The following MCF2L2 variants were observed in gnomAD, a reference collection of about 807,000 sequenced individuals.
MCF2L2 encodes the protein probable guanine nucleotide exchange factor MCF2L2.
MCF2L2 carries 102 observed loss-of-function variants against 150.2 expected under a neutral mutation model. The ratio of observed to expected loss-of-function variants is 0.68; its 90% confidence interval spans 0.58 to 0.80. MCF2L2 has a LOEUF of 0.80. MCF2L2 is among the 30% of genes least tolerant of loss of function. MCF2L2 has a pLI of 0.00. For synonymous variants in MCF2L2, 465 were observed against 491.3 expected, an observed-to-expected ratio of 0.95 and a Z score of 0.71; for missense variants, 1,256 against 1,372.8, an observed-to-expected ratio of 0.91 and a Z score of 1.34.
At chr3:183,322,204 C>T (rs1729840137) in intron 6 of MCF2L2, among the ~76,000 whole-genome samples, 1 of 152,240 alleles carries the variant, frequency 6.6e-6, no homozygotes, top group African/African-American at 2.4e-5. Context: ...AAACTCCTAA[C>T]TTAGCATAAC....
At chr3:183,239,892 G>A (rs1576949894) in intron 15 of MCF2L2, among the ~76,000 whole-genome samples, 1 of 152,080 alleles carries the variant, frequency 6.6e-6, no homozygotes, top group African/African-American at 2.4e-5. Context: ...TCACCTGGAT[G>A]CCTCCCAGAC....
intron 14 of MCF2L2, among the ~76,000 whole-genome samples, chr3:183,286,008 A>G (rs528792674): frequency 6.6e-6 from 1 of 152,118 alleles, no homozygotes; most frequent in Non-Finnish European, 1.5e-5. Flanking sequence ...CGCTTCCACC[A>G]CCGGGCTTTC....
intron 27 of MCF2L2, among the ~76,000 whole-genome samples, chr3:183,180,921 G>A (rs1191648346): frequency 6.6e-6 from 1 of 152,222 alleles, no homozygotes; most frequent in Non-Finnish European, 1.5e-5. Flanking sequence ...CTTTACCCTC[G>A]CTCTGAGTGA....
At position 183,179,392 on chromosome 3, in the gene MCF2L2, G is replaced by A; in HGVS notation, c.3333C>T (p.Ala1111=). ...GTCCGCAGGGAGGTCAGCTCTCCTG[G>A]GCGGAGGTCCTCGGGCGCAGCGCCC... The part of the protein sequence containing the change: ...QARALRPRTS[A]QES The change falls in exon 30 of 30, where the codon GCC becomes GCT. Residue 1111 remains alanine, a synonymous_variant. Transcript: ENST00000328913. This position sits in a 1 kb window ranked among gnomAD's most constrained non-coding sequence, Gnocchi z 4.2. 6.5e-7 allele frequency: 1 copy of A among 1,548,260 alleles called. No individual in the cohort carries two copies.
intron 16 of MCF2L2, among the ~76,000 whole-genome samples, chr3:183,230,344 C>T (rs1258468246): frequency 6.6e-6 from 1 of 152,158 alleles, no homozygotes; most frequent in East Asian, 1.9e-4. Context: ...AAACTTCTGA[C>T]CTCAGGCGAT....
chr3:183,355,390 G>C (rs1026519962), intron 3 of MCF2L2, among the ~76,000 whole-genome samples: 6 of 151,734 alleles, frequency 4.0e-5, no homozygotes, highest in South Asian at 4.1e-4. Flanking sequence ...TTCAGTAGAG[G>C]GGGGCAGAAA....
chr3:183,422,117 G>A (rs908603050), intron 1 of MCF2L2, among the ~76,000 whole-genome samples: 1 of 152,124 alleles, frequency 6.6e-6, no homozygotes, highest in Admixed American at 6.5e-5. Flanking sequence ...TAGTTTTTGA[G>A]GCCAATCTTT....
At chr3:183,287,836 C>T (rs927067965) in intron 14 of MCF2L2, 2 of 152,136 alleles carry the variant, frequency 1.3e-5, no homozygotes, top group African/African-American at 4.8e-5. Flanking sequence ...AGAAGAAAAG[C>T]CTAAAACTCA....
At chr3:183,367,079 C>T (rs1712581321) in intron 3 of MCF2L2, among the ~76,000 whole-genome samples, 1 of 152,058 alleles carries the variant, frequency 6.6e-6, no homozygotes. Context: ...TTTACTTTAC[C>T]ATTTGTAGCT....
chr3:183,206,626 C>T (rs1408841788), intron 23 of MCF2L2, among the ~76,000 whole-genome samples: 4 of 152,284 alleles, frequency 2.6e-5, no homozygotes, highest in Admixed American at 1.3e-4. Context: ...AATTCCAGCA[C>T]TTTGGGAGGC....
At chr3:183,420,825 TC>T (rs1715844021) in intron 1 of MCF2L2, among the ~76,000 whole-genome samples, 1 of 152,124 alleles carries the variant, frequency 6.6e-6, no homozygotes, top group Non-Finnish European at 1.5e-5. Flanking sequence ...TCCCTCACTG[TC>T]AAAAGAATAG....
chr3:183,312,179 T>C (rs1181855625), intron 7 of MCF2L2, among the ~76,000 whole-genome samples: 2 of 152,182 alleles, frequency 1.3e-5, no homozygotes, highest in Non-Finnish European at 2.9e-5. Context: ...TAACTGCTAG[T>C]TGATCATAAA....
chr3:183,388,936 G>A (rs1370473695), intron 2 of MCF2L2, among the ~76,000 whole-genome samples: 2 of 152,144 alleles, frequency 1.3e-5, no homozygotes, highest in Non-Finnish European at 2.9e-5. Context: ...ATGTAACTAA[G>A]ATGGCTTTGT....
At chr3:183,340,026 T>C (rs1000689326) in intron 4 of MCF2L2, among the ~76,000 whole-genome samples, 6 of 152,148 alleles carry the variant, frequency 3.9e-5, no homozygotes, top group Admixed American at 3.9e-4. Context: ...ACCTCTGGAA[T>C]AGTCATGGGC....
chr3:183,207,619 T>A lies in MCF2L2; in HGVS notation c.2701A>T (p.Lys901Ter). The part of the protein sequence containing the change: ...QGLSPHYSFK[K>*]TMKLMTLSIR... Reference sequence around the variant, plus strand: ...AGGACTCCCTTTACCTTCATGGTCTTCTTGAAGCTGTAATGAGGAGATAAT... The same window carrying A: ...AGGACTCCCTTTACCTTCATGGTCTACTTGAAGCTGTAATGAGGAGATAAT... Residue 901 changes from lysine to a stop codon, truncating the protein, a stop_gained, in exon 23 of 30, where the codon AAG (lysine) becomes TAG (stop). Coordinates refer to ENST00000328913, the MANE Select transcript of MCF2L2 (RefSeq NM_015078.4). LOFTEE classifies it high-confidence loss of function. The A allele has an allele frequency of 6.2e-7, 1 of 1,613,278 alleles. No individual in the cohort carries two copies. The highest frequency in any genetic ancestry group is 8.5e-7 in the Non-Finnish European group (1 of 1,179,190).
intron 3 of MCF2L2, among the ~76,000 whole-genome samples, chr3:183,343,035 T>A (rs560784008): frequency 6.6e-6 from 1 of 152,276 alleles, no homozygotes; most frequent in African/African-American, 2.4e-5. Context: ...AAAATGAAAG[T>A]GAAATAAGGA....
rs3056448 is a variant in MCF2L2 at position 183,178,470 on chromosome 3, A to AAAATAAATAAATAAATAAATAAATAAAT, written c.*882_*909dup. The AAAATAAATAAATAAATAAATAAATAAAT allele has an allele frequency of 4.3e-4, 65 of 150,530 alleles. No individual in the cohort carries two copies. The highest frequency in any genetic ancestry group is 1.6e-3 in the African/African-American group (64 of 40,962). The allele number at this position is 150,530 out of a possible 1,614,324, so 9.3% of individuals were successfully genotyped here. A position where few individuals can be genotyped will look rare whatever the true frequency, so the allele number is the denominator to read the frequency against. On this transcript the variant is annotated 3_prime_UTR_variant, in exon 30 of 30. Coordinates refer to ENST00000328913, the MANE Select transcript of MCF2L2 (RefSeq NM_015078.4). ...GCGACAGAGCGAGACTCCGTCTCGAAAAATAAATAAATAAATAAATAAATA... is the reference window on the plus strand; with the variant it reads ...GCGACAGAGCGAGACTCCGTCTCGAAAAATAAATAAATAAATAAATAAATAAATAAATAAATAAATAAATAAATAAATA...
chr3:183,324,592 G>A (rs1319231537), intron 5 of MCF2L2, among the ~76,000 whole-genome samples: 1 of 152,106 alleles, frequency 6.6e-6, no homozygotes, highest in East Asian at 1.9e-4. Flanking sequence ...GACCAGCCAG[G>A]TACGGTGGTT....
In MCF2L2 at chr3:183,180,170, G is replaced by A; in HGVS notation, c.3017-11C>T. On this transcript the variant is annotated splice_polypyrimidine_tract_variant and intron_variant, in intron 27 of 29. Coordinates refer to ENST00000328913, the MANE Select transcript of MCF2L2 (RefSeq NM_015078.4). ...CCCTGCTGGAGCAGCCTTAGGGAGA[G>A]AAAGGGAAGGATGGGGCCTCTGTGG... 1.3e-6 allele frequency: 2 copies of A among 1,580,688 alleles called. No homozygotes were observed. The highest frequency in any genetic ancestry group is 1.7e-6 in the Non-Finnish European group (2 of 1,150,246).
Sources: gnomAD v4.1 joint callset for allele counts (sites outside exome capture counted in the v4.1 genomes callset) on GRCh38, gnomAD v4.1.1 for gene constraint, Gnocchi (gnomAD v3.1) non-coding constraint, MANE v1.5 for transcripts, NCBI Gene and HGNC (gene_info 2026-07-23, HGNC 2026-07-21) for gene names.